NUP155: variants seen among roughly 807,000 people sequenced by gnomAD.
NUP155 encodes the protein nuclear pore complex protein Nup155.
In NUP155, 71 loss-of-function variants were observed where a neutral mutation model predicts 180.4. That is an observed-to-expected ratio of 0.39 (90% CI 0.33 to 0.48). NUP155 has a LOEUF of 0.48. NUP155 is among the 20% of genes least tolerant of loss of function. NUP155 has a pLI of 0.91. For missense variants in NUP155, 1,553 were observed against 1,648.9 expected (o/e 0.94, Z 1.01); for synonymous variants, 582 against 559.5 (o/e 1.04, Z -0.57).
In NUP155 at chr5:37,304,766, T is replaced by C. The variant is rs779737214; in HGVS notation, c.3135A>G (p.Gln1045=). 9.3e-6 allele frequency: 15 copies of C among 1,613,172 alleles called. No homozygotes were observed. In the South Asian group the frequency reaches 1.3e-4, roughly 14 times the overall value. Residue 1045 remains glutamine, a synonymous_variant, in exon 27 of 35, where the codon CAA becomes CAG. Coordinates refer to ENST00000231498, the MANE Select transcript of NUP155 (RefSeq NM_153485.3). ...FSIALYNWLI[Q]VDLADKLLQV... The stretch of plus-strand genomic sequence containing the variant: ...GTAGCAGCTTATCTGCAAGGTCGAC[T>C]TGTATTAGCCAATTATAAAGGGCAA...
intron 8 of NUP155, 59 bp from the exon 9 acceptor site, chr5:37,348,655 A>C: frequency 3.1e-6 from 3 of 977,734 alleles, no homozygotes; most frequent in Non-Finnish European, 5.0e-6. Context: ...CATATTATTA[A>C]ACTCTTTCTT....
chr5:37,349,093 A>C, intron 8 of NUP155, 79 bp downstream of exon 8: 1 of 391,126 alleles, frequency 2.6e-6, no homozygotes, highest in Non-Finnish European at 4.7e-6. Context: ...TCATAGGAAA[A>C]ATTTAAGAGG....
chr5:37,325,768 C>CAAAAAAAAAAAAAA (rs58741619), intron 19 of NUP155, 133 bp downstream of exon 19: 1 of 308,248 alleles, frequency 3.2e-6, no homozygotes, highest in Non-Finnish European at 5.6e-6. Context: ...GACTCTGTCT[C>CAAAAAAAAAAAAAA]AAAAAAAAAA....
Position 37,294,344 on chromosome 5 carries a change from C to G in NUP155, c.3915G>C (p.Gln1305His). 6.3e-7 allele frequency: 1 copy of G among 1,589,594 alleles called. No homozygotes were observed. Among genetic ancestry groups the G allele is most frequent in the Non-Finnish European group, 8.6e-7 (1 of 1,159,470 alleles). Reference sequence around the variant, plus strand: ...TTTTCCTTACCCGTGATTTGAACAACTGATCATAAACTTCTAGTAGTCTAG... The same window carrying G: ...TTTTCCTTACCCGTGATTTGAACAAGTGATCATAAACTTCTAGTAGTCTAG... The part of the protein sequence containing the change: ...PLPRLLEVYD[Q>H]LFKSRDPFWN... The change falls in exon 33 of 35, where the codon CAG becomes CAC. Residue 1305 changes from glutamine (Q) to histidine (H), a missense_variant. Physicochemically the swap from Gln to His is conservative, Grantham distance 24. Coordinates refer to ENST00000231498, the MANE Select transcript of NUP155 (RefSeq NM_153485.3).
chr5:37,327,908 GTTTGTGTA>G, intron 17 of NUP155, 132 bp from the exon 18 acceptor site: 1 of 946,938 alleles, frequency 1.1e-6, no homozygotes, highest in Non-Finnish European at 1.6e-6. Context: ...CATAACCCAA[GTTTGTGTA>G]TCTAGACACA....
intron 21 of NUP155, 49 bp from the exon 22 acceptor site, chr5:37,314,377 G>A (rs775961735): frequency 1.4e-6 from 2 of 1,407,916 alleles, no homozygotes; most frequent in East Asian, 2.4e-5. Context: ...AGGTTAAGTT[G>A]CTTTATTTCA....
At chr5:37,327,231 A>G (rs894604064) in intron 18 of NUP155, 1 of 274,186 alleles carries the variant, frequency 3.6e-6, no homozygotes. Context: ...AAAAAAGAAA[A>G]CACAAAAAAC....
intron 13 of NUP155, among the ~76,000 whole-genome samples, chr5:37,332,512 A>G (rs1745046100): frequency 6.6e-6 from 1 of 151,796 alleles, no homozygotes; most frequent in Admixed American, 6.6e-5. Context: ...TTTAGTAAAG[A>G]CGGGGTTTCA....
At chr5:37,367,594 G>A (rs1336848653) in intron 1 of NUP155, among the ~76,000 whole-genome samples, 17 of 150,396 alleles carry the variant, frequency 1.1e-4, no homozygotes, top group African/African-American at 2.0e-4. Context: ...ATGCAGTGGC[G>A]CGATCTCGGC....
At chr5:37,315,343 T>C (rs1171693442) in intron 21 of NUP155, among the ~76,000 whole-genome samples, 1 of 152,230 alleles carries the variant, frequency 6.6e-6, no homozygotes, top group Non-Finnish European at 1.5e-5. Flanking sequence ...GTTCATGCAA[T>C]AACTTATTAT....
At chr5:37,329,888 T>G in intron 15 of NUP155, 150 bp downstream of exon 15, 1 of 651,336 alleles carries the variant, frequency 1.5e-6, no homozygotes, top group South Asian at 1.7e-5. Context: ...TTATAATCTC[T>G]CCAGATTTCA....
chr5:37,355,778 C>A (rs1021515631), intron 4 of NUP155, among the ~76,000 whole-genome samples: 2 of 151,814 alleles, frequency 1.3e-5, no homozygotes, highest in African/African-American at 4.8e-5. Context: ...TGGGGTTTCA[C>A]TGTGTTAGTC....
chr5:37,335,853 G>A (rs1207961011), intron 12 of NUP155, among the ~76,000 whole-genome samples: 4 of 152,006 alleles, frequency 2.6e-5, no homozygotes. Flanking sequence ...ATGGCGGGGA[G>A]GGGGTGGCGG....
intron 4 of NUP155, among the ~76,000 whole-genome samples, chr5:37,354,562 G>A (rs1335799150): frequency 2.7e-5 from 4 of 150,078 alleles, no homozygotes; most frequent in Non-Finnish European, 4.4e-5. Context: ...ATGCTCAAGC[G>A]ATCCTCCCGC....
chr5:37,328,285 A>G, intron 17 of NUP155, 73 bp downstream of exon 17: 1 of 1,092,592 alleles, frequency 9.2e-7, no homozygotes, highest in Non-Finnish European at 1.4e-6. Context: ...TCTTTTTCAC[A>G]CTAAGCATTA....
intron 22 of NUP155, among the ~76,000 whole-genome samples, chr5:37,313,509 G>GAC (rs1743666430): frequency 4.0e-5 from 6 of 150,472 alleles, no homozygotes; most frequent in East Asian, 3.9e-4. Context: ...GTGTGTGAGA[G>GAC]AGACAGAGAG....
Position 37,327,747 on chromosome 5 carries a change from C to A in NUP155, c.1906G>T (p.Val636Leu). The change falls in exon 18 of 35, where the codon GTG becomes TTG. Residue 636 changes from valine (V) to leucine (L), a missense_variant. Coordinates refer to ENST00000231498, the MANE Select transcript of NUP155 (RefSeq NM_153485.3). ...GIQPPAMSTP[V>L]CALGNPATQA... Reference sequence around the variant, plus strand: ...GTTGCTGGGTTTCCCAGAGCACACACTGGAGTTGACATGGCAGGAGGCTGT... The same window carrying A: ...GTTGCTGGGTTTCCCAGAGCACACAATGGAGTTGACATGGCAGGAGGCTGT... 6.2e-7 allele frequency: 1 copy of A among 1,614,152 alleles called. No individual in the cohort carries two copies. Among genetic ancestry groups the A allele is most frequent in the Non-Finnish European group, 8.5e-7 (1 of 1,180,028 alleles).
Position 37,352,733 on chromosome 5 carries a change from A to G in NUP155, c.556+4T>C, listed in dbSNP as rs1385305377. The G allele has an allele frequency of 5.0e-6, 8 of 1,602,088 alleles. 1 individual carries two copies. In the South Asian group the frequency reaches 5.5e-5, roughly 11 times the overall value. Reference sequence around the variant, plus strand: ...AAAAAACGTTAACATGTGGGTTGCCATACCTGTTTGCAAATTAGCATAGCT... The same window carrying G: ...AAAAAACGTTAACATGTGGGTTGCCGTACCTGTTTGCAAATTAGCATAGCT... On this transcript the variant is annotated splice_donor_region_variant and intron_variant, in intron 5 of 34. Coordinates refer to ENST00000231498, the MANE Select transcript of NUP155 (RefSeq NM_153485.3).
At chr5:37,337,586 AT>A (rs1745415322) in intron 12 of NUP155, among the ~76,000 whole-genome samples, 1 of 152,190 alleles carries the variant, frequency 6.6e-6, no homozygotes, top group African/African-American at 2.4e-5. Context: ...TATGGAAAAT[AT>A]TCCGTAAGGG....
Sources: gnomAD v4.1 joint callset for allele counts (sites outside exome capture counted in the v4.1 genomes callset) on GRCh38, gnomAD v4.1.1 for gene constraint, MANE v1.5 for transcripts, NCBI Gene and HGNC (gene_info 2026-07-23, HGNC 2026-07-21) for gene names.